Variants in CTNNA3 observed in about 807,000 individuals in gnomAD.
CTNNA3 encodes catenin alpha 3.
CTNNA3 carries 76 observed loss-of-function variants against 95.7 expected under a neutral mutation model. That is an observed-to-expected ratio of 0.79 (90% CI 0.66 to 0.96). The LOEUF is 0.96. Among genes scored for constraint, CTNNA3 ranks in the 40% least tolerant of loss-of-function variants. The pLI, the probability that CTNNA3 is intolerant of heterozygous loss-of-function variation, is 0.00. For missense variants in CTNNA3, 1,191 were observed against 1,089.8 expected (o/e 1.09, Z -1.31); for synonymous variants, 431 against 374.4 (o/e 1.15, Z -1.74).
chr10:66,291,493 A>C (rs1297331337), intron 12 of CTNNA3, among the ~76,000 whole-genome samples: 1 of 152,074 alleles, frequency 6.6e-6, no homozygotes, highest in Non-Finnish European at 1.5e-5. Flanking sequence ...TGGCTCCCCG[A>C]ATACTCACTA....
intron 7 of CTNNA3, among the ~76,000 whole-genome samples, chr10:66,898,475 G>A (rs1402863729): frequency 6.6e-6 from 1 of 152,022 alleles, no homozygotes; most frequent in East Asian, 1.9e-4. Flanking sequence ...GTATGGTGCT[G>A]GCAACAAACA....
At chr10:67,708,663 A>G (rs1056815967) in intron 1 of CTNNA3, among the ~76,000 whole-genome samples, 2 of 152,144 alleles carry the variant, frequency 1.3e-5, no homozygotes, top group African/African-American at 4.8e-5. Context: ...GTTCTGAGAA[A>G]ACAAAGACAG....
At chr10:67,186,027 C>CAAAA (rs201984879) in intron 6 of CTNNA3, among the ~76,000 whole-genome samples, 1 of 97,438 alleles carries the variant, frequency 1.0e-5, no homozygotes. Context: ...CTCCGTCTCA[C>CAAAA]AAAAAAAAAA....
intron 17 of CTNNA3, among the ~76,000 whole-genome samples, chr10:65,932,477 T>G (rs1457371901): frequency 6.6e-6 from 1 of 152,172 alleles, no homozygotes; most frequent in Admixed American, 6.6e-5. Flanking sequence ...AGGTATTATT[T>G]TTCCCACTTA....
At chr10:65,998,078 T>G (rs1379768514) in intron 15 of CTNNA3, among the ~76,000 whole-genome samples, 1 of 152,218 alleles carries the variant, frequency 6.6e-6, no homozygotes, top group Non-Finnish European at 1.5e-5. Flanking sequence ...AGTCATGTTA[T>G]CTTGGTTCCT....
intron 2 of CTNNA3, among the ~76,000 whole-genome samples, chr10:67,636,773 G>A (rs1302238516): frequency 1.3e-5 from 2 of 152,152 alleles, no homozygotes; most frequent in African/African-American, 4.8e-5. Context: ...TGGACCTCCA[G>A]CAAACTCCAA....
intron 7 of CTNNA3, among the ~76,000 whole-genome samples, chr10:67,100,120 T>A (rs1858255690): frequency 2.0e-5 from 3 of 151,740 alleles, no homozygotes; most frequent in Non-Finnish European, 3.0e-5. Context: ...ACATTCAAAT[T>A]GATAATGATT....
chr10:65,988,435 A>C (rs564135011), intron 16 of CTNNA3, among the ~76,000 whole-genome samples: 3 of 152,188 alleles, frequency 2.0e-5, no homozygotes, highest in Non-Finnish European at 4.4e-5. Context: ...AAATTAATTG[A>C]GTATATTTGA....
intron 7 of CTNNA3, among the ~76,000 whole-genome samples, chr10:66,924,806 G>T (rs1348938320): frequency 1.3e-5 from 2 of 152,162 alleles, no homozygotes; most frequent in African/African-American, 4.8e-5. Flanking sequence ...CATGAAGTGA[G>T]TTTTTGTTTT....
chr10:67,231,209 A>G (rs1429618178), intron 5 of CTNNA3, among the ~76,000 whole-genome samples: 1 of 152,100 alleles, frequency 6.6e-6, no homozygotes, highest in Admixed American at 6.5e-5. Flanking sequence ...TGTAGGCTCC[A>G]CCTCTGGGGG....
intron 13 of CTNNA3, among the ~76,000 whole-genome samples, chr10:66,240,400 T>C (rs1324593777): frequency 6.6e-6 from 1 of 152,094 alleles, no homozygotes; most frequent in African/African-American, 2.4e-5. Context: ...ATCATCCACA[T>C]GTTTTCATCT....
At chr10:67,556,481 G>C (rs1028766202) in intron 3 of CTNNA3, among the ~76,000 whole-genome samples, 1 of 152,058 alleles carries the variant, frequency 6.6e-6, no homozygotes, top group Non-Finnish European at 1.5e-5. Context: ...GTTTAGTCTT[G>C]GGAGGGTGTA....
chr10:67,399,959 T>C (rs1390116909), intron 5 of CTNNA3, among the ~76,000 whole-genome samples: 1 of 152,152 alleles, frequency 6.6e-6, no homozygotes, highest in Non-Finnish European at 1.5e-5. Context: ...AGGGTACATG[T>C]GCACAACATG....
chr10:66,969,494 A>G (rs147221994), intron 7 of CTNNA3, among the ~76,000 whole-genome samples: 203 of 152,264 alleles, frequency 1.3e-3, no homozygotes, highest in African/African-American at 4.6e-3. Flanking sequence ...CTTTAATTGT[A>G]TCTTGGATTA....
chr10:66,624,309 G>A (rs1247019844), intron 9 of CTNNA3, among the ~76,000 whole-genome samples: 2 of 152,086 alleles, frequency 1.3e-5, no homozygotes, highest in African/African-American at 2.4e-5. Context: ...AGAATTAAAC[G>A]AGATAATGTA....
At chr10:66,624,801 A>G (rs908907155) in intron 9 of CTNNA3, among the ~76,000 whole-genome samples, 6 of 152,088 alleles carry the variant, frequency 3.9e-5, no homozygotes, top group African/African-American at 1.2e-4. Context: ...ACATACTCAA[A>G]CCAACCAATG....
At chr10:67,563,764 A>G (rs1364146050) in intron 3 of CTNNA3, among the ~76,000 whole-genome samples, 1 of 152,084 alleles carries the variant, frequency 6.6e-6, no homozygotes, top group Non-Finnish European at 1.5e-5. Context: ...GCTAATATCC[A>G]GAATCGATAA....
intron 5 of CTNNA3, among the ~76,000 whole-genome samples, chr10:67,493,497 G>A (rs1233573625): frequency 6.7e-6 from 1 of 150,016 alleles, no homozygotes; most frequent in Non-Finnish European, 1.5e-5. Context: ...GGGAGGCGGA[G>A]CTTGCAGTGA....
At chr10:67,652,051 T>C (rs1038329731) in intron 1 of CTNNA3, among the ~76,000 whole-genome samples, 2 of 152,206 alleles carry the variant, frequency 1.3e-5, no homozygotes, top group African/African-American at 4.8e-5. Context: ...GAAGTCCTAG[T>C]TCAAGGTACT....
Sources: gnomAD v4.1 joint callset for allele counts (sites outside exome capture counted in the v4.1 genomes callset) on GRCh38, gnomAD v4.1.1 for gene constraint, MANE v1.5 for transcripts, NCBI Gene and HGNC (gene_info 2026-07-23, HGNC 2026-07-21) for gene names.